The following MALRD1 variants were observed in gnomAD, a reference collection of about 807,000 sequenced individuals.
MALRD1 encodes MAM and LDL receptor class A domain containing 1.
Under a neutral mutation model 242.1 loss-of-function variants are expected in MALRD1, and 247 were observed. The observed-to-expected ratio is 1.02, with a 90% confidence interval of 0.92 to 1.13. The LOEUF (loss-of-function observed/expected upper bound fraction) is 1.13. Ranked by LOEUF, MALRD1 falls within the 50% of genes most tolerant of loss-of-function variation. MALRD1 has a pLI of 0.00. For synonymous variants in MALRD1, 995 were observed against 866.6 expected (o/e 1.15, Z -2.60); for missense variants, 2,989 against 2,533.1 (o/e 1.18, Z -3.86).
chr10:19,397,117 T>C (rs1238405546), intron 28 of MALRD1, among the ~76,000 whole-genome samples: 2 of 152,170 alleles, frequency 1.3e-5, no homozygotes, highest in South Asian at 2.1e-4. Context: ...GTGAAAATCC[T>C]CTCTGCTAGC....
chr10:19,514,961 G>C (rs1466738994), intron 31 of MALRD1, among the ~76,000 whole-genome samples: 1 of 151,960 alleles, frequency 6.6e-6, no homozygotes, highest in Non-Finnish European at 1.5e-5. Context: ...ATTGCAGCCA[G>C]TTTGATCACA....
intron 36 of MALRD1, among the ~76,000 whole-genome samples, chr10:19,679,436 T>TG (rs1211232325): frequency 6.6e-6 from 1 of 152,236 alleles, no homozygotes; most frequent in Non-Finnish European, 1.5e-5. Context: ...ATTTTCTAGT[T>TG]TATTTGCATA....
chr10:19,272,792 C>T lies in MALRD1; in HGVS notation c.3080-7255C>T, dbSNP rs148884918. On this transcript the variant is annotated intron_variant, in intron 19 of 39. Transcript: ENST00000454679. ...TGAGAACATGTGGTGTTTGGTTTTC[C>T]GTTCCTGTGTTAGTTTGCTGAGAAT... Among the ~76,000 whole-genome samples the T allele has an allele frequency of 2.6e-3, 400 of 152,150 alleles. 3 individuals carry two copies. Among genetic ancestry groups the T allele is most frequent in the African/African-American group, 9.1e-3 (377 of 41,522 alleles).
At chr10:19,640,920 A>G (rs1439183289) in intron 36 of MALRD1, among the ~76,000 whole-genome samples, 2 of 152,212 alleles carry the variant, frequency 1.3e-5, no homozygotes, top group Non-Finnish European at 2.9e-5. Flanking sequence ...TATATGAAAA[A>G]AATAGTTTTT....
intron 19 of MALRD1, among the ~76,000 whole-genome samples, chr10:19,270,743 A>C (rs1439522730): frequency 6.6e-6 from 1 of 151,390 alleles, no homozygotes; most frequent in African/African-American, 2.4e-5. Context: ...AAAACTATTA[A>C]TTGTTAGCCT....
chr10:19,413,975 A>C (rs1468343617), intron 28 of MALRD1, among the ~76,000 whole-genome samples: 3 of 151,574 alleles, frequency 2.0e-5, no homozygotes, highest in Non-Finnish European at 4.4e-5. Flanking sequence ...CAAAAAAAAA[A>C]AAACAATGAT....
rs1839579137 is a variant in MALRD1 at position 19,257,716 on chromosome 10, C to T, written c.3024C>T (p.Phe1008=). The T allele has an allele frequency of 6.5e-7, 1 of 1,541,982 alleles. No homozygotes were observed. The highest frequency in any genetic ancestry group is 8.8e-7 in the Non-Finnish European group (1 of 1,141,984). Residue 1008 remains phenylalanine (F), a synonymous_variant, in exon 19 of 40, where the codon TTC becomes TTT. Coordinates refer to ENST00000454679, the MANE Select transcript of MALRD1 (RefSeq NM_001142308.3). ...TGGAGGCTTCAGTGGGAGATGGCTT[C>T]ACTGGAGATATTGCGATTGATGATC... The part of the protein sequence containing the change: ...ILVEASVGDG[F]TGDIAIDDLS...
chr10:19,719,382 G>T (rs1437184629), intron 38 of MALRD1, among the ~76,000 whole-genome samples: 2 of 150,844 alleles, frequency 1.3e-5, no homozygotes, highest in Non-Finnish European at 3.0e-5. Flanking sequence ...TTGGCAGCCT[G>T]GGTTTTCTTT....
intron 18 of MALRD1, among the ~76,000 whole-genome samples, chr10:19,233,388 G>T (rs966827003): frequency 1.3e-5 from 2 of 152,098 alleles, no homozygotes; most frequent in Admixed American, 1.3e-4. Flanking sequence ...TGTCATCCCA[G>T]CTACTCGGGA....
intron 31 of MALRD1, among the ~76,000 whole-genome samples, chr10:19,524,485 A>C (rs566225287): frequency 8.5e-5 from 13 of 152,148 alleles, no homozygotes; most frequent in African/African-American, 3.1e-4. Context: ...AAAATTGCAG[A>C]TGCACGTTGG....
intron 2 of MALRD1, among the ~76,000 whole-genome samples, chr10:19,085,619 A>G (rs1436754256): frequency 1.3e-5 from 2 of 151,982 alleles, no homozygotes; most frequent in African/African-American, 2.4e-5. Context: ...AGAATAATTT[A>G]TAGTGCCATA....
intron 36 of MALRD1, among the ~76,000 whole-genome samples, chr10:19,670,064 G>A (rs578141464): frequency 6.5e-5 from 8 of 122,386 alleles, no homozygotes; most frequent in Non-Finnish European, 1.3e-4. Context: ...TCCCTCGCAC[G>A]TGCACACACA....
At chr10:19,197,118 A>G (rs1348415724) in intron 14 of MALRD1, among the ~76,000 whole-genome samples, 1 of 152,112 alleles carries the variant, frequency 6.6e-6, no homozygotes, top group East Asian at 1.9e-4. Context: ...AGAGAATGAA[A>G]GGAGAAGCAC....
intron 21 of MALRD1, among the ~76,000 whole-genome samples, chr10:19,303,625 TACAAAA>T (rs1842043894): frequency 6.6e-6 from 1 of 151,696 alleles, no homozygotes; most frequent in Admixed American, 6.6e-5. Flanking sequence ...AGCCACAACA[TACAAAA>T]ACAAAAATAA....
chr10:19,184,081 G>A (rs1280510691), intron 14 of MALRD1, among the ~76,000 whole-genome samples: 1 of 152,198 alleles, frequency 6.6e-6, no homozygotes, highest in African/African-American at 2.4e-5. Context: ...AGGCTGCAGG[G>A]TGAATCACTG....
At chr10:19,344,794 A>G (rs1844037404) in intron 24 of MALRD1, among the ~76,000 whole-genome samples, 1 of 151,780 alleles carries the variant, frequency 6.6e-6, no homozygotes, top group South Asian at 2.1e-4. Flanking sequence ...CCCATTATTT[A>G]GATCTTTGAT....
At chr10:19,137,572 C>T (rs1444972475) in intron 10 of MALRD1, among the ~76,000 whole-genome samples, 2 of 143,212 alleles carry the variant, frequency 1.4e-5, no homozygotes, top group Admixed American at 1.5e-4. Context: ...TGCCATTGCA[C>T]TCTCCAGCCC....
intron 2 of MALRD1, among the ~76,000 whole-genome samples, chr10:19,071,106 A>T (rs1250149698): frequency 6.6e-6 from 1 of 151,962 alleles, no homozygotes; most frequent in Non-Finnish European, 1.5e-5. Flanking sequence ...CCGCCTCAGC[A>T]TCCCAAAGTG....
intron 21 of MALRD1, among the ~76,000 whole-genome samples, chr10:19,299,099 G>A (rs1445615765): frequency 1.3e-5 from 2 of 151,868 alleles, no homozygotes; most frequent in Non-Finnish European, 2.9e-5. Flanking sequence ...AATAAGGAAT[G>A]CATTATTGAA....
Sources: gnomAD v4.1 joint callset for allele counts (sites outside exome capture counted in the v4.1 genomes callset) on GRCh38, gnomAD v4.1.1 for gene constraint, MANE v1.5 for transcripts, NCBI Gene and HGNC (gene_info 2026-07-23, HGNC 2026-07-21) for gene names.